The following BBS9 variants were observed in gnomAD, a reference collection of about 807,000 sequenced individuals.
BBS9 encodes the protein protein PTHB1.
In BBS9, 89 loss-of-function variants were observed where a neutral mutation model predicts 117.7. The ratio of observed to expected loss-of-function variants is 0.76; its 90% confidence interval spans 0.64 to 0.90. The LOEUF (loss-of-function observed/expected upper bound fraction) is 0.90, where lower values mean the gene tolerates loss of function less well. Ranked by LOEUF, BBS9 falls within the 40% of genes least tolerant of loss-of-function variation. The pLI, the probability that BBS9 is intolerant of heterozygous loss-of-function variation, is 0.00. For missense variants in BBS9, 982 were observed against 1,042.2 expected (o/e 0.94, Z 0.80); for synonymous variants, 379 against 370.9 (o/e 1.02, Z -0.25).
chr7:33,408,104 C>T (rs562079157), intron 19 of BBS9, among the ~76,000 whole-genome samples: 1 of 152,372 alleles, frequency 6.6e-6, no homozygotes, highest in South Asian at 2.1e-4. Context: ...TTCGAGCTTC[C>T]TGGCTGCTTT....
intron 5 of BBS9, among the ~76,000 whole-genome samples, chr7:33,241,131 G>A (rs1344489671): frequency 6.6e-6 from 1 of 152,092 alleles, no homozygotes; most frequent in Non-Finnish European, 1.5e-5. Flanking sequence ...AGTTGACCTA[G>A]CGTTAGTGTG....
intron 21 of BBS9, among the ~76,000 whole-genome samples, chr7:33,541,626 C>G (rs1055220622): frequency 2.6e-5 from 4 of 152,274 alleles, no homozygotes; most frequent in Middle Eastern, 3.4e-3. Context: ...ATAAAAATAA[C>G]TGAAGTTCTA....
intron 4 of BBS9, among the ~76,000 whole-genome samples, chr7:33,162,458 C>T (rs979914432): frequency 1.3e-5 from 2 of 152,122 alleles, no homozygotes; most frequent in East Asian, 3.8e-4. Context: ...TCTTCCTATC[C>T]ATGAGCATGG....
intron 21 of BBS9, among the ~76,000 whole-genome samples, chr7:33,554,594 T>G (rs1465400805): frequency 6.6e-6 from 1 of 152,042 alleles, no homozygotes; most frequent in African/African-American, 2.4e-5. Context: ...AAGAACAGTG[T>G]GTGTGTATGT....
In BBS9 at chr7:33,485,600, C is replaced by T. The variant is rs145597401; in HGVS notation, c.2116-19863C>T. ...CTGGGATTACAGGCCTGAGCCACTG[C>T]GCTTGGCCAAAAGTTGTTTTAAAAA... On this transcript the variant is annotated intron_variant, in intron 19 of 22. Transcript: ENST00000242067. Among the ~76,000 whole-genome samples the T allele has an allele frequency of 4.3e-3, 652 of 152,202 alleles. 5 individuals are homozygous for T. Among genetic ancestry groups the T allele is most frequent in the African/African-American group, 0.015 (624 of 41,536 alleles).
At chr7:33,596,707 C>A (rs1862872918) in intron 21 of BBS9, among the ~76,000 whole-genome samples, 1 of 152,088 alleles carries the variant, frequency 6.6e-6, no homozygotes, top group African/African-American at 2.4e-5. Context: ...ACTATTTTGT[C>A]ATTTACACCT....
intron 9 of BBS9, among the ~76,000 whole-genome samples, chr7:33,317,362 G>A (rs1228205614): frequency 1.3e-5 from 2 of 151,196 alleles, no homozygotes; most frequent in African/African-American, 2.4e-5. Context: ...TGTAGAAAGT[G>A]TAGAAATCAA....
At chr7:33,455,557 A>G (rs2128924354) in intron 19 of BBS9, among the ~76,000 whole-genome samples, 1 of 152,290 alleles carries the variant, frequency 6.6e-6, no homozygotes, top group East Asian at 1.9e-4. Flanking sequence ...TACTCAAGGC[A>G]ATCTGACAAA....
intron 9 of BBS9, among the ~76,000 whole-genome samples, chr7:33,293,825 T>G (rs1394318535): frequency 6.6e-6 from 1 of 152,222 alleles, no homozygotes; most frequent in Non-Finnish European, 1.5e-5. Context: ...TATCTTTTTT[T>G]GTTCTTCATT....
intron 1 of BBS9, among the ~76,000 whole-genome samples, chr7:33,142,520 T>G (rs1335825388): frequency 6.6e-6 from 1 of 152,230 alleles, no homozygotes; most frequent in Non-Finnish European, 1.5e-5. Flanking sequence ...GGTAAGTAAA[T>G]TGACATTATT....
chr7:33,132,976 G>A (rs1789857764), intron 1 of BBS9, among the ~76,000 whole-genome samples: 1 of 152,104 alleles, frequency 6.6e-6, no homozygotes, highest in African/African-American at 2.4e-5. Flanking sequence ...GCTTGGCAAA[G>A]ATGAGGTCTC....
In BBS9 at chr7:33,505,583, G is replaced by A. The variant is rs767138951; in HGVS notation, c.2236G>A (p.Ala746Thr). Residue 746 changes from alanine (A) to threonine (T), a missense_variant, in exon 20 of 23, where the codon GCT becomes ACT. By Grantham distance (58) the Ala-to-Thr change is moderately conservative. Transcript: ENST00000242067. Reference sequence around the variant, plus strand: ...GATCGCGCTGTGGCAGAAGCTTAGTGCTGACCAGGTTGCTATTCTGGAAGC... The same window carrying A: ...GATCGCGCTGTGGCAGAAGCTTAGTACTGACCAGGTTGCTATTCTGGAAGC... ...LLIALWQKLSADQVAILEAAF... is the reference protein window; with the variant it reads ...LLIALWQKLSTDQVAILEAAF... The A allele has an allele frequency of 1.9e-6, 3 of 1,613,954 alleles. No individual in the cohort carries two copies.
chr7:33,294,309 C>G (rs1346602461), intron 9 of BBS9, among the ~76,000 whole-genome samples: 2 of 113,118 alleles, frequency 1.8e-5, no homozygotes, highest in Non-Finnish European at 3.7e-5. Context: ...ATCTATCTAT[C>G]TATCTATCTA....
At chr7:33,346,669 A>T (rs1032169041) in intron 12 of BBS9, among the ~76,000 whole-genome samples, 1 of 152,154 alleles carries the variant, frequency 6.6e-6, no homozygotes, top group Admixed American at 6.5e-5. Flanking sequence ...GGCCTAGCCC[A>T]TTGTTGGGGT....
chr7:33,387,004 A>C (rs979522595), intron 18 of BBS9, among the ~76,000 whole-genome samples: 1 of 152,152 alleles, frequency 6.6e-6, no homozygotes, highest in Non-Finnish European at 1.5e-5. Context: ...GTAGCACATT[A>C]TACATACTAT....
chr7:33,238,133 T>C (rs1793838009), intron 5 of BBS9, among the ~76,000 whole-genome samples: 1 of 152,208 alleles, frequency 6.6e-6, no homozygotes, highest in Admixed American at 6.5e-5. Flanking sequence ...TTGCTAAAAG[T>C]CTTCTAACAC....
At chr7:33,155,915 A>G (rs113889620) in intron 4 of BBS9, among the ~76,000 whole-genome samples, 5 of 152,252 alleles carry the variant, frequency 3.3e-5, no homozygotes, top group Admixed American at 1.3e-4. Flanking sequence ...GTGTATATGT[A>G]TCTTTCTAGC....
At chr7:33,139,594 ATCAT>A (rs1230375613) in intron 1 of BBS9, among the ~76,000 whole-genome samples, 5 of 151,230 alleles carry the variant, frequency 3.3e-5, no homozygotes, top group Admixed American at 3.3e-4. Flanking sequence ...TTAAAAATGT[ATCAT>A]TCATTATCAT....
At chr7:33,572,426 A>G (rs1381196360) in intron 21 of BBS9, among the ~76,000 whole-genome samples, 1 of 152,158 alleles carries the variant, frequency 6.6e-6, no homozygotes, top group Non-Finnish European at 1.5e-5. Flanking sequence ...TCTCTTCAAT[A>G]TACCAATTTC....
Sources: allele counts gnomAD v4.1 joint callset (sites outside exome capture counted in the v4.1 genomes callset), GRCh38; gene constraint gnomAD v4.1.1; transcripts MANE v1.5; gene names NCBI Gene and HGNC (gene_info 2026-07-23, HGNC 2026-07-21).